NCOA2: variants seen among roughly 807,000 people sequenced by gnomAD.
NCOA2 encodes nuclear receptor coactivator 2.
In NCOA2, 21 loss-of-function variants were observed where a neutral mutation model predicts 145.1. That is an observed-to-expected ratio of 0.14 (90% CI 0.10 to 0.21). The LOEUF is 0.21. Ranked by LOEUF, NCOA2 falls within the 10% of genes least tolerant of loss-of-function variation. The pLI is 1.00. For synonymous variants in NCOA2, 619 were observed against 637.5 expected (o/e 0.97, Z 0.44); for missense variants, 1,472 against 1,837.6 (o/e 0.80, Z 3.64).
the NCOA2 span, among the ~76,000 whole-genome samples, chr8:70,414,520 C>T: frequency 6.6e-6 from 1 of 152,162 alleles, no homozygotes; most frequent in African/African-American, 2.4e-5. Flanking sequence ...AACCACATTA[C>T]CCCAAGGTGC....
chr8:70,134,849 A>C (rs1809548479), intron 15 of NCOA2, among the ~76,000 whole-genome samples: 2 of 152,188 alleles, frequency 1.3e-5, no homozygotes, highest in Admixed American at 1.3e-4. Context: ...ACTTTGGTCA[A>C]GGCCCTCTTC....
the NCOA2 span, among the ~76,000 whole-genome samples, chr8:70,437,631 T>C: frequency 1.3e-5 from 2 of 152,236 alleles, no homozygotes; most frequent in Non-Finnish European, 2.9e-5. Flanking sequence ...AGACAATACA[T>C]TCATGGATAG....
At chr8:70,158,763 A>C (rs1047941275) in intron 10 of NCOA2, among the ~76,000 whole-genome samples, 1 of 152,164 alleles carries the variant, frequency 6.6e-6, no homozygotes, top group Non-Finnish European at 1.5e-5. Context: ...AAACAAAACA[A>C]AAAACAAAAC....
intron 4 of NCOA2, among the ~76,000 whole-genome samples, chr8:70,176,374 A>G (rs1218227191): frequency 6.6e-6 from 1 of 152,168 alleles, no homozygotes; most frequent in Non-Finnish European, 1.5e-5. Flanking sequence ...TCATAACTCA[A>G]TATTGGTGGA....
intron 1 of NCOA2, among the ~76,000 whole-genome samples, chr8:70,351,703 A>G (rs1240016358): frequency 6.8e-6 from 1 of 147,390 alleles, no homozygotes; most frequent in Admixed American, 6.8e-5. Flanking sequence ...CCCCTACCTC[A>G]GCCTCCAGAG....
At chr8:70,453,697 G>T in the NCOA2 span, among the ~76,000 whole-genome samples, 2 of 152,106 alleles carry the variant, frequency 1.3e-5, no homozygotes, top group African/African-American at 4.8e-5. Flanking sequence ...CCATCTTCTC[G>T]CTCCTTCCTT....
At chr8:70,406,994 C>T (rs921165094), upstream of NCOA2, among the ~76,000 whole-genome samples, 5 of 152,158 alleles carry the variant, frequency 3.3e-5, no homozygotes, top group African/African-American at 1.2e-4. Context: ...GTAATTGTTG[C>T]AAGACTCAAA....
At chr8:70,246,080 G>C (rs1214469109) in intron 2 of NCOA2, among the ~76,000 whole-genome samples, 1 of 151,992 alleles carries the variant, frequency 6.6e-6, no homozygotes, top group Non-Finnish European at 1.5e-5. Context: ...CTTTAAGGCT[G>C]GTTACCTTTG....
At chr8:70,241,561 C>T (rs1396935288) in intron 2 of NCOA2, among the ~76,000 whole-genome samples, 1 of 152,168 alleles carries the variant, frequency 6.6e-6, no homozygotes, top group Non-Finnish European at 1.5e-5. Flanking sequence ...ATAGTTCCCT[C>T]CTTGTCCATT....
intron 2 of NCOA2, among the ~76,000 whole-genome samples, chr8:70,255,088 G>T (rs1482368961): frequency 1.3e-5 from 2 of 152,106 alleles, no homozygotes; most frequent in African/African-American, 4.8e-5. Flanking sequence ...GTTAAACTGA[G>T]GATTACCTCT....
At chr8:70,128,111 A>G (rs1162589473) in intron 18 of NCOA2, among the ~76,000 whole-genome samples, 1 of 152,190 alleles carries the variant, frequency 6.6e-6, no homozygotes. Flanking sequence ...GGATGATGAC[A>G]ATGTTGTGAC....
At chr8:70,455,545 G>A in the NCOA2 span, among the ~76,000 whole-genome samples, 2 of 152,094 alleles carry the variant, frequency 1.3e-5, no homozygotes, top group East Asian at 1.9e-4. Flanking sequence ...TTTACTCTAA[G>A]TGTTGTTTAT....
At chr8:70,448,007 ACTGAT>A in the NCOA2 span, among the ~76,000 whole-genome samples, 1 of 152,000 alleles carries the variant, frequency 6.6e-6, no homozygotes, top group Non-Finnish European at 1.5e-5. Flanking sequence ...ATTCACCATT[ACTGAT>A]CTTTGACAAT....
At chr8:70,297,142 G>A (rs1827152419) in intron 1 of NCOA2, among the ~76,000 whole-genome samples, 1 of 152,166 alleles carries the variant, frequency 6.6e-6, no homozygotes, top group African/African-American at 2.4e-5. Flanking sequence ...AGTAAAAGCA[G>A]GAGGCCCTAG....
intron 2 of NCOA2, among the ~76,000 whole-genome samples, chr8:70,282,253 AT>A (rs1563719413): frequency 6.6e-6 from 1 of 152,222 alleles, no homozygotes. Flanking sequence ...ATACAGATTG[AT>A]TATAAAGATT....
At chr8:70,383,981 C>G (rs1470563289) in intron 1 of NCOA2, among the ~76,000 whole-genome samples, 1 of 152,084 alleles carries the variant, frequency 6.6e-6, no homozygotes, top group Non-Finnish European at 1.5e-5. Flanking sequence ...TTAGCTATAC[C>G]AAGTTTTCCA....
At chr8:70,284,224 G>T (rs75066803) in intron 2 of NCOA2, among the ~76,000 whole-genome samples, 53 of 152,154 alleles carry the variant, frequency 3.5e-4, no homozygotes, top group African/African-American at 9.6e-4. Flanking sequence ...ATCTCTGGAC[G>T]GTGCTTTCAA....
At chr8:70,371,404 C>T (rs1214366925) in intron 1 of NCOA2, among the ~76,000 whole-genome samples, 2 of 151,636 alleles carry the variant, frequency 1.3e-5, no homozygotes, top group Non-Finnish European at 2.9e-5. Flanking sequence ...TAAAAAAATA[C>T]AAAATAAAAT....
In NCOA2 at chr8:70,111,551, T is replaced by C. The variant is rs1806537938; in HGVS notation, c.*2081A>G. On this transcript the variant is annotated 3_prime_UTR_variant, in exon 23 of 23. Coordinates refer to ENST00000452400, the MANE Select transcript of NCOA2 (RefSeq NM_006540.4). ...CCTTTTGAGGGGATATATGAACTGG[T>C]GGCCACTGAGAAGTGTTGTTCCTTG... The C allele has an allele frequency of 9.2e-6, 2 of 216,336 alleles. No individual in the cohort carries two copies. Among genetic ancestry groups the C allele is most frequent in the African/African-American group, 4.5e-5 (2 of 44,370 alleles). 13.4% of individuals were successfully genotyped at this position (216,336 alleles called of 1,614,324 possible). A position where few individuals can be genotyped will look rare whatever the true frequency, so the allele number is the denominator to read the frequency against.
Sources: gnomAD v4.1 joint callset for allele counts (sites outside exome capture counted in the v4.1 genomes callset) on GRCh38, gnomAD v4.1.1 for gene constraint, MANE v1.5 for transcripts, NCBI Gene and HGNC (gene_info 2026-07-23, HGNC 2026-07-21) for gene names.